The following SUPT6H variants were observed in gnomAD, a reference collection of about 807,000 sequenced individuals.
SUPT6H encodes transcription elongation factor SPT6.
Under a neutral mutation model 222.3 loss-of-function variants are expected in SUPT6H, and 11 were observed. The observed-to-expected ratio is 0.05, with a 90% confidence interval of 0.03 to 0.08. SUPT6H has a LOEUF of 0.08. Among genes scored for constraint, SUPT6H ranks in the 10% least tolerant of loss-of-function variants. SUPT6H has a pLI of 1.00. For missense variants in SUPT6H, 1,422 were observed against 2,216.0 expected (o/e 0.64, Z 7.19); for synonymous variants, 762 against 801.2 (o/e 0.95, Z 0.83).
chr17:28,668,996 C>A (rs2030255102), intron 1 of SUPT6H, among the ~76,000 whole-genome samples: 1 of 152,172 alleles, frequency 6.6e-6, no homozygotes, highest in Admixed American at 6.5e-5. Context: ...TTTACAGTCA[C>A]TCCTCAACTT....
rs752698167 is a variant in SUPT6H, at chr17:28,686,354, A to T, written c.2503A>T (p.Thr835Ser). 2 of 1,614,198 alleles carry T rather than the reference A, an allele frequency of 1.2e-6. No homozygotes were observed. Among genetic ancestry groups the T allele is most frequent in the Non-Finnish European group, 1.7e-6 (2 of 1,180,022 alleles). ...TTCAATCCAGGCTCAAGACATTGAA[A>T]CGCTAAAGAAATTTCTCCTGAATAA... ...EREKKAQDIE[T>S]LKKFLLNKKP... Residue 835 changes from threonine to serine, a missense_variant, in exon 20 of 37, where the codon ACG becomes TCG. Transcript: ENST00000314616.
chr17:28,695,154 G>A (rs1485937928), intron 28 of SUPT6H, 198 bp from the exon 29 acceptor site: 2 of 580,788 alleles, frequency 3.4e-6, no homozygotes, highest in Non-Finnish European at 6.1e-6. Flanking sequence ...GGAGGCATTA[G>A]TGCAGGGCTT....
Position 28,683,771 on chromosome 17 carries a change from A to T in SUPT6H, c.2184A>T (p.Glu728Asp). The change falls in exon 17 of 37, where the codon GAA (glutamate) becomes GAT (aspartate). Residue 728 changes from glutamate (E) to aspartate (D), a missense_variant. Physicochemically the swap from Glu to Asp is conservative, Grantham distance 45. Transcript: ENST00000314616. The part of the protein sequence containing the change: ...QQFLYVQMAK[E>D]LKNKLLAEAK... Reference sequence around the variant, plus strand: ...TCCTCTATGTGCAGATGGCCAAAGAACTCAAGAACAAGCTGCTGGCTGAAG... The same window carrying T: ...TCCTCTATGTGCAGATGGCCAAAGATCTCAAGAACAAGCTGCTGGCTGAAG... 1 of 1,613,954 alleles carries T rather than the reference A, an allele frequency of 6.2e-7. No homozygotes were observed.
chr17:28,677,599 G>T, intron 7 of SUPT6H, 116 bp from the exon 8 acceptor site: 1 of 753,574 alleles, frequency 1.3e-6, no homozygotes, highest in South Asian at 1.7e-5. Flanking sequence ...GGCATTTGTA[G>T]AACAATACTG....
At chr17:28,676,911 C>A (rs2030781183) in intron 7 of SUPT6H, among the ~76,000 whole-genome samples, 1 of 151,628 alleles carries the variant, frequency 6.6e-6, no homozygotes, top group Admixed American at 6.6e-5. Context: ...TAGAAGCAGA[C>A]CCTGTCTCAA....
At chr17:28,666,055 T>C (rs1157220384) in intron 1 of SUPT6H, among the ~76,000 whole-genome samples, 1 of 152,236 alleles carries the variant, frequency 6.6e-6, no homozygotes, top group Non-Finnish European at 1.5e-5. Context: ...CTGGGCCTTC[T>C]CTGTACCTGC....
At chr17:28,692,544 AG>A (rs1356646226) in intron 27 of SUPT6H, among the ~76,000 whole-genome samples, 2 of 147,136 alleles carry the variant, frequency 1.4e-5, no homozygotes, top group East Asian at 4.0e-4. Flanking sequence ...GAGGGGCCTC[AG>A]TTGCAGCTAA....
chr17:28,690,287 C>A (rs2031580696), intron 26 of SUPT6H, 58 bp downstream of exon 26: 1 of 1,584,858 alleles, frequency 6.3e-7, no homozygotes. Flanking sequence ...TGTGTACATT[C>A]AAACCAAGCA....
At position 28,701,622 on chromosome 17, in the gene SUPT6H, G is replaced by C. The variant is rs1349312763; in HGVS notation, c.5178G>C (p.Arg1726=). 6.2e-7 allele frequency: 1 copy of C among 1,605,518 alleles called. No individual in the cohort carries two copies. Among genetic ancestry groups the C allele is most frequent in the Non-Finnish European group, 8.5e-7 (1 of 1,173,632 alleles). ...DATPLLDEMD[R] is the part of the protein sequence containing the mutation. ...CCCCACTCCTGGACGAGATGGATCGGTAGGGGGCCTGCTCCTCGGACTCTG... is the reference window on the plus strand; with the variant it reads ...CCCCACTCCTGGACGAGATGGATCGCTAGGGGGCCTGCTCCTCGGACTCTG... Residue 1726 remains arginine, a synonymous_variant, in exon 37 of 37, where the codon CGG becomes CGC. Coordinates refer to ENST00000314616, the MANE Select transcript of SUPT6H (RefSeq NM_003170.5).
intron 13 of SUPT6H, 51 bp from the exon 14 acceptor site, chr17:28,682,676 G>C: frequency 6.3e-7 from 1 of 1,592,430 alleles, no homozygotes; most frequent in Admixed American, 1.8e-5. Flanking sequence ...AAAGCCAAGA[G>C]GTTTATCAGC....
In SUPT6H at chr17:28,683,387, C is replaced by T. The variant is rs2031218899; in HGVS notation, c.1998C>T (p.Thr666=). ...TGGCTGAAGACGAAGGGCTCCTCAC[C>T]ACTGACATCAGCATAGATTTGAAGG... ...ICLAEDEGLL[T]TDISIDLKGV... Residue 666 remains threonine (T), a synonymous_variant, in exon 16 of 37, where the codon ACC becomes ACT. Transcript: ENST00000314616. 1 of 1,614,010 alleles carries T rather than the reference C, an allele frequency of 6.2e-7. No individual in the cohort carries two copies. The highest frequency in any genetic ancestry group is 8.5e-7 in the Non-Finnish European group (1 of 1,180,030).
chr17:28,695,206 T>C (rs1416278613), intron 28 of SUPT6H, 146 bp from the exon 29 acceptor site: 1 of 744,240 alleles, frequency 1.3e-6, no homozygotes, highest in East Asian at 2.7e-5. Context: ...AAACTCCCAG[T>C]CTGCCATTCA....
At position 28,701,586 on chromosome 17, in the gene SUPT6H, T is replaced by G. The variant is rs1231979772; in HGVS notation, c.5142T>G (p.Ala1714=). Residue 1714 remains alanine, a synonymous_variant, in exon 37 of 37, where the codon GCT becomes GCG. Coordinates refer to ENST00000314616, the MANE Select transcript of SUPT6H (RefSeq NM_003170.5). The part of the protein sequence containing the change: ...PMIESTPMSI[A]GDATPLLDEM... The stretch of plus-strand genomic sequence containing the variant: ...TCGAAAGCACCCCCATGTCCATTGC[T>G]GGCGATGCCACCCCACTCCTGGACG... The G allele has an allele frequency of 1.2e-6, 2 of 1,613,686 alleles. No homozygotes were observed. Among genetic ancestry groups the G allele is most frequent in the East Asian group, 4.5e-5 (2 of 44,870 alleles).
At chr17:28,697,138 C>A in intron 30 of SUPT6H, 56 bp downstream of exon 30, 2 of 1,508,646 alleles carry the variant, frequency 1.3e-6, no homozygotes, top group South Asian at 1.1e-5. Context: ...GAAAGGTGCC[C>A]TTCAGGGTGC....
At chr17:28,690,061 C>T (rs201633673) in intron 25 of SUPT6H, 21 bp from the exon 26 acceptor site, 48 of 1,601,766 alleles carry the variant, frequency 3.0e-5, no homozygotes, top group Non-Finnish European at 3.6e-5. Context: ...CAAGGCTCTT[C>T]TTGATGGGCT....
At chr17:28,663,181 C>A (rs886246390) in intron 1 of SUPT6H, among the ~76,000 whole-genome samples, 1 of 152,166 alleles carries the variant, frequency 6.6e-6, no homozygotes, top group African/African-American at 2.4e-5. Context: ...TGATTAATTT[C>A]TTCGGAAAAA....
Position 28,683,759 on chromosome 17 carries a change from G to C in SUPT6H, c.2172G>C (p.Gln724His). The change falls in exon 17 of 37, where the codon CAG becomes CAC. Residue 724 changes from glutamine to histidine, a missense_variant. Gln to His is a conservative substitution (Grantham distance 24). Transcript: ENST00000314616. ...CTTTACAGCAGTTCCTCTATGTGCA[G>C]ATGGCCAAAGAACTCAAGAACAAGC... Reference protein sequence around the residue: ...ERALQQFLYVQMAKELKNKLL... With the variant: ...ERALQQFLYVHMAKELKNKLL... 1.2e-6 allele frequency: 2 copies of C among 1,614,068 alleles called. No homozygotes were observed. Among genetic ancestry groups the C allele is most frequent in the Non-Finnish European group, 1.7e-6 (2 of 1,180,024 alleles).
chr17:28,684,340 C>T (rs920039105), intron 17 of SUPT6H, among the ~76,000 whole-genome samples: 3 of 152,170 alleles, frequency 2.0e-5, no homozygotes, highest in Non-Finnish European at 4.4e-5. Flanking sequence ...CCAGGAGCTT[C>T]TCCCCTCCCC....
chr17:28,695,160 G>A lies in SUPT6H; in HGVS notation c.3775-192G>A, dbSNP rs1193269020. On this transcript the variant is annotated intron_variant, in intron 28 of 36. Transcript: ENST00000314616. ...GCCCAGAGTGGAGGCATTAGTGCAGGGCTTGGCCTGTAGTCTACAGACAAG... is the reference window on the plus strand; with the variant it reads ...GCCCAGAGTGGAGGCATTAGTGCAGAGCTTGGCCTGTAGTCTACAGACAAG... 1.7e-4 allele frequency: 103 copies of A among 594,556 alleles called. 2 individuals are homozygous for A. The South Asian group carries it at 2.1e-3, about 12-fold the overall frequency. 36.8% of individuals were successfully genotyped at this position (594,556 alleles called of 1,614,324 possible). A position where few individuals can be genotyped will look rare whatever the true frequency, so the allele number is the denominator to read the frequency against.
Sources: allele counts gnomAD v4.1 joint callset (sites outside exome capture counted in the v4.1 genomes callset), GRCh38; gene constraint gnomAD v4.1.1; transcripts MANE v1.5; gene names NCBI Gene and HGNC (gene_info 2026-07-23, HGNC 2026-07-21).